ULK4: variants seen among roughly 807,000 people sequenced by gnomAD.
ULK4 encodes the protein unc-51 like kinase 4, also known as inactive serine/threonine-protein kinase ULK4.
A neutral mutation model predicts 160.6 loss-of-function variants in ULK4; 133 were observed. That is an observed-to-expected ratio of 0.83 (90% CI 0.72 to 0.96). The LOEUF is 0.96. Among genes scored for constraint, ULK4 ranks in the 40% least tolerant of loss-of-function variants. The probability of loss-of-function intolerance (pLI) is 0.00; values close to 1 mark genes in which losing one functional copy is unlikely to be tolerated. For synonymous variants in ULK4, 534 were observed against 539.8 expected, an observed-to-expected ratio of 0.99 and a Z score of 0.15; for missense variants, 1,580 against 1,499.5, an observed-to-expected ratio of 1.05 and a Z score of -0.89.
chr3:41,839,493 A>T (rs554699224), intron 17 of ULK4, among the ~76,000 whole-genome samples: 1 of 150,484 alleles, frequency 6.6e-6, no homozygotes, highest in Admixed American at 6.6e-5. Context: ...TCTAAATTTT[A>T]AAAAATGATA....
chr3:41,542,265 T>C (rs932399544), intron 32 of ULK4, among the ~76,000 whole-genome samples: 2 of 152,212 alleles, frequency 1.3e-5, no homozygotes, highest in African/African-American at 4.8e-5. Context: ...TCTGCATCTA[T>C]TGAGATAATC....
intron 35 of ULK4, among the ~76,000 whole-genome samples, chr3:41,275,628 G>GA (rs2079216323): frequency 6.6e-6 from 1 of 151,240 alleles, no homozygotes; most frequent in African/African-American, 2.4e-5. Context: ...TAGGGGGTGG[G>GA]AAAAAATCAG....
At chr3:41,329,771 G>A (rs1028246035) in intron 35 of ULK4, among the ~76,000 whole-genome samples, 1 of 152,076 alleles carries the variant, frequency 6.6e-6, no homozygotes, top group Non-Finnish European at 1.5e-5. Flanking sequence ...ATACAAGGTA[G>A]CAATAAACAC....
At chr3:41,914,406 A>G (rs549582059) in intron 8 of ULK4, among the ~76,000 whole-genome samples, 3 of 152,368 alleles carry the variant, frequency 2.0e-5, no homozygotes, top group Middle Eastern at 3.4e-3. Context: ...ACAAAAATGT[A>G]GATCAACAAG....
intron 21 of ULK4, among the ~76,000 whole-genome samples, chr3:41,770,061 C>T (rs971486386): frequency 6.6e-6 from 1 of 152,052 alleles, no homozygotes; most frequent in Non-Finnish European, 1.5e-5. Context: ...TAGCCAAGTA[C>T]CTAAGTAAAA....
intron 32 of ULK4, among the ~76,000 whole-genome samples, chr3:41,487,892 G>C (rs1316401442): frequency 2.0e-5 from 3 of 152,090 alleles, no homozygotes; most frequent in Non-Finnish European, 4.4e-5. Context: ...TATTTTGCTA[G>C]TGATTCTTAC....
rs148913931 is a variant in ULK4 at position 41,814,351 on chromosome 3, T to TTA, written c.1848+5071_1848+5072insTA. On this transcript the variant is annotated intron_variant, in intron 19 of 36. Coordinates refer to ENST00000301831, the MANE Select transcript of ULK4 (RefSeq NM_017886.4). ...CTGGCCTTTTACTTTTTATTATTGT[T>TTA]TTTAGTTTAATGAGATTATGGTTAG... Among the ~76,000 whole-genome samples, 368 of 151,562 alleles carry TTA rather than the reference T, an allele frequency of 2.4e-3. 1 individual carries two copies. The highest frequency in any genetic ancestry group is 8.0e-3 in the African/African-American group (328 of 40,886).
At chr3:41,956,693 T>C (rs1401436237) in intron 1 of ULK4, among the ~76,000 whole-genome samples, 2 of 152,236 alleles carry the variant, frequency 1.3e-5, no homozygotes, top group African/African-American at 2.4e-5. Context: ...ATCCCTAGAC[T>C]GCAGGAGTCA....
At position 41,705,265 on chromosome 3, in the gene ULK4, T is replaced by C. The variant is rs766552430; in HGVS notation, c.2675A>G (p.Asp892Gly). The C allele has an allele frequency of 6.2e-7, 1 of 1,613,464 alleles. No homozygotes were observed. Among genetic ancestry groups the C allele is most frequent in the Admixed American group, 1.7e-5 (1 of 60,014 alleles). ...CAGGGTCTACTCACCTATGGCTCCA[T>C]CTATGTTCGTTTCTCCTGAGTCTAC... ...KSVDSGETNI[D>G]GAIGLTASEE... The change falls in exon 26 of 37, where the codon GAT (aspartate) becomes GGT (glycine). Residue 892 changes from aspartate to glycine, a missense_variant. Asp to Gly is a moderately conservative substitution (Grantham distance 94). Coordinates refer to ENST00000301831, the MANE Select transcript of ULK4 (RefSeq NM_017886.4).
chr3:41,274,698 G>A (rs1169428147), intron 35 of ULK4, among the ~76,000 whole-genome samples: 1 of 152,046 alleles, frequency 6.6e-6, no homozygotes, highest in Admixed American at 6.6e-5. Context: ...AAATTTTGGT[G>A]GGCTTGATTT....
intron 35 of ULK4, among the ~76,000 whole-genome samples, chr3:41,265,371 A>C (rs940846833): frequency 1.3e-5 from 2 of 152,246 alleles, no homozygotes; most frequent in African/African-American, 4.8e-5. Context: ...CACCCACTGG[A>C]AACAGCTGGT....
chr3:41,907,162 C>T (rs760826667), intron 12 of ULK4, among the ~76,000 whole-genome samples: 4 of 152,080 alleles, frequency 2.6e-5, no homozygotes, highest in Non-Finnish European at 5.9e-5. Context: ...TGGAAAAGTA[C>T]TGGAGAAACA....
At chr3:41,264,189 G>T (rs370080238) in intron 35 of ULK4, among the ~76,000 whole-genome samples, 12 of 152,228 alleles carry the variant, frequency 7.9e-5, no homozygotes, top group African/African-American at 2.9e-4. Context: ...AACAGGTGAG[G>T]CAGAGATTTT....
At chr3:41,855,163 G>A (rs2042306219) in intron 17 of ULK4, among the ~76,000 whole-genome samples, 1 of 152,078 alleles carries the variant, frequency 6.6e-6, no homozygotes, top group Non-Finnish European at 1.5e-5. Flanking sequence ...TATGATAACA[G>A]TAACAATGCT....
At chr3:41,750,574 C>T (rs1288100035) in intron 22 of ULK4, among the ~76,000 whole-genome samples, 1 of 152,190 alleles carries the variant, frequency 6.6e-6, no homozygotes, top group African/African-American at 2.4e-5. Flanking sequence ...AATGCTATCC[C>T]TAGCAGAGGC....
In ULK4 at chr3:41,907,973, A is replaced by G. The variant is rs181308300; in HGVS notation, c.1086-32T>C. 3.2e-5 allele frequency: 47 copies of G among 1,485,146 alleles called. No individual in the cohort carries two copies. The Admixed American group carries it at 8.7e-4, about 28-fold the overall frequency. 92.0% of individuals were successfully genotyped at this position (1,485,146 alleles called of 1,614,324 possible). A position where few individuals can be genotyped will look rare whatever the true frequency, so the allele number is the denominator to read the frequency against. Reference sequence around the variant, plus strand: ...AATACAAACCAGTTAACATTATTCAATTCCAGACAGTTTATTCTCTGTTTA... The same window carrying G: ...AATACAAACCAGTTAACATTATTCAGTTCCAGACAGTTTATTCTCTGTTTA... On this transcript the variant is annotated intron_variant, in intron 11 of 36. Coordinates refer to ENST00000301831, the MANE Select transcript of ULK4 (RefSeq NM_017886.4).
At chr3:41,857,501 GTATT>G (rs930148952) in intron 17 of ULK4, among the ~76,000 whole-genome samples, 6 of 152,098 alleles carry the variant, frequency 3.9e-5, no homozygotes, top group Non-Finnish European at 7.4e-5. Flanking sequence ...TTTTATTTAT[GTATT>G]TATTTTTCTT....
intron 34 of ULK4, among the ~76,000 whole-genome samples, chr3:41,408,156 C>G (rs528290490): frequency 3.3e-5 from 5 of 151,608 alleles, no homozygotes; most frequent in African/African-American, 1.2e-4. Flanking sequence ...AGGCCAGGCA[C>G]GGTGGCTCAT....
At chr3:41,483,937 C>G (rs2125899427) in intron 32 of ULK4, among the ~76,000 whole-genome samples, 1 of 152,292 alleles carries the variant, frequency 6.6e-6, no homozygotes, top group East Asian at 1.9e-4. Context: ...GGCTATTCAG[C>G]TTGGTTTTCC....
Sources: gnomAD v4.1 joint callset for allele counts (sites outside exome capture counted in the v4.1 genomes callset) on GRCh38, gnomAD v4.1.1 for gene constraint, MANE v1.5 for transcripts, NCBI Gene and HGNC (gene_info 2026-07-23, HGNC 2026-07-21) for gene names.